Variants in SPECC1L observed in about 807,000 individuals in gnomAD.
SPECC1L encodes sperm antigen with calponin homology and coiled-coil domains 1 like, also known as cytospin-A.
In SPECC1L, 40 loss-of-function variants were observed where a neutral mutation model predicts 116.8. That is an observed-to-expected ratio of 0.34 (90% CI 0.27 to 0.45). The LOEUF (loss-of-function observed/expected upper bound fraction) is 0.45, where lower values mean the gene tolerates loss of function less well. Among genes scored for constraint, SPECC1L ranks in the 20% least tolerant of loss-of-function variants. SPECC1L has a pLI of 1.00. For missense variants in SPECC1L, 1,110 were observed against 1,373.6 expected (o/e 0.81, Z 3.03); for synonymous variants, 504 against 500.6 (o/e 1.01, Z -0.09).
At chr22:24,350,569 A>G (rs939667521) in intron 11 of SPECC1L, among the ~76,000 whole-genome samples, 2 of 152,184 alleles carry the variant, frequency 1.3e-5, no homozygotes, top group African/African-American at 4.8e-5. Flanking sequence ...CCACAAGTCA[A>G]AGATTTTAGA....
At chr22:24,291,320 C>CA (rs1197778985) in intron 2 of SPECC1L, among the ~76,000 whole-genome samples, 5 of 152,198 alleles carry the variant, frequency 3.3e-5, no homozygotes, top group Non-Finnish European at 7.3e-5. Flanking sequence ...ACAAGGCTCA[C>CA]AGAGTGTGGG....
rs1424833632 is a variant in SPECC1L at position 24,321,944 on chromosome 22, G to A, written c.964G>A (p.Val322Met). Residue 322 changes from valine (V) to methionine (M), a missense_variant, in exon 5 of 17, where the codon GTG becomes ATG. Val to Met is a conservative substitution (Grantham distance 21, BLOSUM62 1). Transcript: ENST00000314328. ...SSVEGSAPGSVEDLLSQDENT... is the reference protein window; with the variant it reads ...SSVEGSAPGSMEDLLSQDENT... Reference sequence around the variant, plus strand: ...AGTGGAAGGCTCTGCCCCTGGCTCAGTGGAGGATCTCTTGAGTCAGGATGA... The same window carrying A: ...AGTGGAAGGCTCTGCCCCTGGCTCAATGGAGGATCTCTTGAGTCAGGATGA... 2.5e-6 allele frequency: 4 copies of A among 1,614,112 alleles called. No homozygotes were observed. The African/African-American group carries it at 5.3e-5, about 22-fold the overall frequency.
At chr22:24,363,457 C>G in intron 12 of SPECC1L, 113 bp downstream of exon 12, 2 of 908,566 alleles carry the variant, frequency 2.2e-6, no homozygotes, top group Non-Finnish European at 3.5e-6. Context: ...CTCTCACTGG[C>G]CTCAAGCTGT....
At chr22:24,366,308 C>G (rs2041764750) in intron 13 of SPECC1L, among the ~76,000 whole-genome samples, 1 of 152,092 alleles carries the variant, frequency 6.6e-6, no homozygotes, top group Admixed American at 6.5e-5. Flanking sequence ...ATTCTCTTGC[C>G]TCAGCCTCCC....
intron 6 of SPECC1L, among the ~76,000 whole-genome samples, chr22:24,325,283 TGAA>T (rs1384836916): frequency 6.6e-6 from 1 of 152,188 alleles, no homozygotes; most frequent in African/African-American, 2.4e-5. Flanking sequence ...GTTCGAGAGT[TGAA>T]GAGTAATGCT....
chr22:24,326,858 A>G (rs2040831856), intron 6 of SPECC1L, among the ~76,000 whole-genome samples: 1 of 152,120 alleles, frequency 6.6e-6, no homozygotes, highest in Admixed American at 6.5e-5. Flanking sequence ...GTTTTATCCC[A>G]TTTATTTCTG....
chr22:24,349,963 A>C (rs1026255964), intron 11 of SPECC1L, among the ~76,000 whole-genome samples: 1 of 152,154 alleles, frequency 6.6e-6, no homozygotes, highest in Admixed American at 6.6e-5. Flanking sequence ...GAGGAGCCAG[A>C]GTTCTCTCAG....
At chr22:24,313,519 A>G in intron 4 of SPECC1L, 53 bp downstream of exon 4, 1 of 1,589,490 alleles carries the variant, frequency 6.3e-7, no homozygotes, top group Non-Finnish European at 8.6e-7. Flanking sequence ...TTGAATGGGC[A>G]TGATGCATTG....
chr22:24,353,943 T>C (rs1300691345), intron 11 of SPECC1L, among the ~76,000 whole-genome samples: 3 of 152,214 alleles, frequency 2.0e-5, no homozygotes, highest in Non-Finnish European at 4.4e-5. Flanking sequence ...AGAGGTTTAA[T>C]TGGCTTACAG....
intron 4 of SPECC1L, among the ~76,000 whole-genome samples, chr22:24,316,014 A>C (rs1179937796): frequency 6.6e-6 from 1 of 152,160 alleles, no homozygotes; most frequent in South Asian, 2.1e-4. Flanking sequence ...CTCCAGGTGC[A>C]GTCACATTTG....
chr22:24,321,802 G>C lies in SPECC1L; in HGVS notation c.822G>C (p.Leu274Phe). Residue 274 changes from leucine (L) to phenylalanine (F), a missense_variant, in exon 5 of 17, where the codon TTG (leucine) becomes TTC (phenylalanine). Physicochemically the swap from Leu to Phe is conservative, Grantham distance 22. This residue lies in a region of SPECC1L where 437 missense variants were observed against 482.6 expected (regional missense o/e 0.91). Coordinates refer to ENST00000314328, the MANE Select transcript of SPECC1L (RefSeq NM_015330.6). Reference sequence around the variant, plus strand: ...TGTTAAAGGACAGGTTGAATGCATTGGGCTTTTCCCTAGAGCAGAGGTTAG... The same window carrying C: ...TGTTAAAGGACAGGTTGAATGCATTCGGCTTTTCCCTAGAGCAGAGGTTAG... The part of the protein sequence containing the change: ...NRMLKDRLNA[L>F]GFSLEQRLDN... The C allele has an allele frequency of 1.2e-6, 2 of 1,614,184 alleles. No homozygotes were observed. The highest frequency in any genetic ancestry group is 1.7e-6 in the Non-Finnish European group (2 of 1,180,032).
intron 13 of SPECC1L, among the ~76,000 whole-genome samples, chr22:24,367,474 T>C (rs2041793465): frequency 1.3e-5 from 2 of 152,114 alleles, no homozygotes; most frequent in South Asian, 4.1e-4. Flanking sequence ...TTCATGTCAG[T>C]GTACTTTATG....
chr22:24,371,346 C>G (rs1274470095), intron 14 of SPECC1L, among the ~76,000 whole-genome samples: 1 of 152,130 alleles, frequency 6.6e-6, no homozygotes, highest in Non-Finnish European at 1.5e-5. Context: ...GATGTGGTGG[C>G]TCGTGCCTGT....
rs892383488 is a variant in SPECC1L at position 24,349,583 on chromosome 22, G to A, written c.2743+2407G>A. 3.3e-5 allele frequency among the ~76,000 whole-genome samples: 5 copies of A among 152,214 alleles called. No individual in the cohort carries two copies. The South Asian group carries it at 1.0e-3, about 32-fold the overall frequency. ...TTGATATTGAATATTCTCAGACAAT[G>A]TCTCCAGGACAAGATTTCCCCCACT... On this transcript the variant is annotated intron_variant, in intron 11 of 16. Coordinates refer to ENST00000314328, the MANE Select transcript of SPECC1L (RefSeq NM_015330.6).
chr22:24,285,222 G>C (rs117739857), intron 2 of SPECC1L, among the ~76,000 whole-genome samples: 2 of 152,328 alleles, frequency 1.3e-5, no homozygotes, highest in East Asian at 3.9e-4. Context: ...TGACAAGATA[G>C]AAGAAAGTAA....
chr22:24,385,727 T>C (rs2042149139), intron 14 of SPECC1L, among the ~76,000 whole-genome samples: 1 of 152,214 alleles, frequency 6.6e-6, no homozygotes, highest in Admixed American at 6.5e-5. Context: ...TAAATTCATA[T>C]GCATCAGGTA....
At chr22:24,413,485 C>T (rs1390663809) in intron 16 of SPECC1L, among the ~76,000 whole-genome samples, 1 of 152,196 alleles carries the variant, frequency 6.6e-6, no homozygotes. Context: ...CCAGGGTCAC[C>T]TCCCCATCCC....
intron 14 of SPECC1L, among the ~76,000 whole-genome samples, chr22:24,390,046 C>T (rs909468426): frequency 9.9e-5 from 15 of 151,920 alleles, no homozygotes; most frequent in African/African-American, 1.7e-4. Flanking sequence ...GGAATAGAGA[C>T]GCTTCCTTTT....
intron 14 of SPECC1L, among the ~76,000 whole-genome samples, chr22:24,382,981 A>G (rs976735889): frequency 1.2e-4 from 19 of 152,204 alleles, no homozygotes; most frequent in Admixed American, 5.2e-4. Flanking sequence ...GAAATTCAGT[A>G]GAGAGCTATT....
Sources: allele counts gnomAD v4.1 joint callset (sites outside exome capture counted in the v4.1 genomes callset), GRCh38; gene constraint gnomAD v4.1.1; regional missense constraint gnomAD v4.1.1; transcripts MANE v1.5; gene names NCBI Gene and HGNC (gene_info 2026-07-23, HGNC 2026-07-21).